CECR2: variants seen among roughly 807,000 people sequenced by gnomAD.
The protein encoded by CECR2 is CECR2 histone acetyl-lysine reader, also known as chromatin remodeling regulator CECR2.
CECR2 carries 30 observed loss-of-function variants against 154.5 expected under a neutral mutation model. The ratio of observed to expected loss-of-function variants is 0.19; its 90% confidence interval spans 0.15 to 0.26. The LOEUF is 0.26. CECR2 is among the 10% of genes least tolerant of loss of function. CECR2 has a pLI of 1.00. For missense variants in CECR2, 1,743 were observed against 1,829.3 expected, an observed-to-expected ratio of 0.95 and a Z score of 0.86; for synonymous variants, 725 against 683.7, an observed-to-expected ratio of 1.06 and a Z score of -0.94.
rs772455587 is a variant in CECR2, at chr22:17,462,784, G to T, written c.127-14804G>T. ...AAAAATCAGCTGGGTGTGGTGGCGA[G>T]CACCTGTAATCCCATCTACTCAGAA... On this transcript the variant is annotated intron_variant, in intron 1 of 18. Transcript: ENST00000262608. 3.0e-4 allele frequency among the ~76,000 whole-genome samples: 46 copies of T among 152,242 alleles called. 1 individual carries two copies. Among genetic ancestry groups the T allele is most frequent in the Middle Eastern group, 3.4e-3 (1 of 294 alleles).
chr22:17,541,802 C>T (rs1422209517), intron 14 of CECR2, 37 bp from the exon 15 acceptor site: 1 of 1,578,924 alleles, frequency 6.3e-7, no homozygotes, highest in South Asian at 1.2e-5. Flanking sequence ...CTGTGCCTTT[C>T]CTTTTTCCTC....
chr22:17,526,320 A>G (rs2056263897), intron 9 of CECR2, among the ~76,000 whole-genome samples: 1 of 152,160 alleles, frequency 6.6e-6, no homozygotes, highest in Non-Finnish European at 1.5e-5. Flanking sequence ...AGACAAATGG[A>G]ACAGAATAGA....
intron 1 of CECR2, among the ~76,000 whole-genome samples, chr22:17,430,063 C>T (rs908929334): frequency 3.9e-5 from 6 of 152,186 alleles, no homozygotes; most frequent in African/African-American, 1.4e-4. Context: ...TTATTTACCA[C>T]AGGGTTGATG....
intron 2 of CECR2, among the ~76,000 whole-genome samples, chr22:17,485,886 A>G (rs1185380524): frequency 1.3e-5 from 2 of 152,256 alleles, no homozygotes; most frequent in African/African-American, 2.4e-5. Context: ...CTCAGTGAGC[A>G]TAAGTGCTAT....
intron 1 of CECR2, chr22:17,418,826 C>T (rs896180865): frequency 2.7e-5 from 5 of 184,526 alleles, no homozygotes; most frequent in Non-Finnish European, 5.7e-5. Context: ...CCAGCCCGGC[C>T]GAGCTCATCC....
intron 1 of CECR2, among the ~76,000 whole-genome samples, chr22:17,445,614 T>A (rs2054649863): frequency 6.6e-6 from 1 of 150,774 alleles, no homozygotes; most frequent in African/African-American, 2.4e-5. Flanking sequence ...GCTCACCCTG[T>A]CGCCCAGGCT....
intron 1 of CECR2, among the ~76,000 whole-genome samples, chr22:17,409,057 A>T (rs2146560388): frequency 1.3e-5 from 2 of 152,344 alleles, no homozygotes; most frequent in East Asian, 3.9e-4. Context: ...CAATGAATGA[A>T]ACATGCCCTG....
chr22:17,397,081 A>G (rs906563701), intron 1 of CECR2, among the ~76,000 whole-genome samples: 8 of 151,950 alleles, frequency 5.3e-5, no homozygotes, highest in African/African-American at 1.9e-4. Flanking sequence ...TGCATGGGAC[A>G]TTCTCCACAG....
At chr22:17,505,534 C>CTTTTTTTTTTTTTTTTTTTTT (rs11387639) in intron 7 of CECR2, among the ~76,000 whole-genome samples, 1 of 98,838 alleles carries the variant, frequency 1.0e-5, no homozygotes, top group Non-Finnish European at 1.9e-5. Flanking sequence ...CCTCTTTTTC[C>CTTTTTTTTTTTTTTTTTTTTT]TTTTTTTTTT....
intron 16 of CECR2, among the ~76,000 whole-genome samples, chr22:17,546,201 T>C (rs1267037908): frequency 1.3e-5 from 2 of 152,172 alleles, no homozygotes; most frequent in Non-Finnish European, 2.9e-5. Context: ...ACAAGAATCC[T>C]GTTTAGGCCG....
intron 1 of CECR2, among the ~76,000 whole-genome samples, chr22:17,372,385 T>C (rs2063071324): frequency 2.0e-5 from 3 of 152,176 alleles, no homozygotes; most frequent in African/African-American, 7.2e-5. Flanking sequence ...GAATGTATTT[T>C]CTCGACTCGG....
intron 1 of CECR2, among the ~76,000 whole-genome samples, chr22:17,434,662 C>G (rs1431860482): frequency 6.6e-6 from 1 of 151,234 alleles, no homozygotes; most frequent in Non-Finnish European, 1.5e-5. Flanking sequence ...TGCTGCTCCC[C>G]GTAGCTAAGC....
At chr22:17,448,919 G>A (rs375522406) in intron 1 of CECR2, among the ~76,000 whole-genome samples, 21 of 151,028 alleles carry the variant, frequency 1.4e-4, no homozygotes, top group African/African-American at 4.9e-4. Flanking sequence ...TCGCTCTGTC[G>A]CCCAGGCTGA....
intron 1 of CECR2, among the ~76,000 whole-genome samples, chr22:17,448,812 C>T (rs1016923691): frequency 6.6e-6 from 1 of 152,116 alleles, no homozygotes; most frequent in East Asian, 1.9e-4. Flanking sequence ...AGATGCCGTC[C>T]TCCTAATACT....
At chr22:17,443,411 A>C (rs1480264541) in intron 1 of CECR2, among the ~76,000 whole-genome samples, 2 of 152,208 alleles carry the variant, frequency 1.3e-5, no homozygotes, top group African/African-American at 4.8e-5. Flanking sequence ...AAAGGAAAAA[A>C]GGGCAGAATC....
chr22:17,486,041 G>A (rs943443695), intron 2 of CECR2, among the ~76,000 whole-genome samples: 12 of 152,194 alleles, frequency 7.9e-5, no homozygotes, highest in East Asian at 3.9e-4. Flanking sequence ...GTGCTGTGGC[G>A]CAGTCATAGC....
At chr22:17,447,227 A>T (rs1230955240) in intron 1 of CECR2, among the ~76,000 whole-genome samples, 1 of 148,440 alleles carries the variant, frequency 6.7e-6, no homozygotes, top group East Asian at 2.0e-4. Context: ...AGTAGACGGG[A>T]CTGCAAGCTC....
chr22:17,404,443 G>A lies in CECR2; in HGVS notation c.126+34534G>A, dbSNP rs1319781209. 6.7e-3 allele frequency among the ~76,000 whole-genome samples: 700 copies of A among 104,534 alleles called. 30 individuals are homozygous for A. Among genetic ancestry groups the A allele is most frequent in the African/African-American group, 0.029 (669 of 22,748 alleles). 68.6% of individuals were successfully genotyped at this position (104,534 alleles called of 152,430 possible). ...GGCTGGAGTGCAGTGGCGGGATCTC[G>A]GCTCACTGCAAGCTCCGCCTCTCGG... On this transcript the variant is annotated intron_variant, in intron 1 of 18. Coordinates refer to ENST00000262608, the MANE Select transcript of CECR2 (RefSeq NM_001290047.2).
Position 17,429,551 on chromosome 22 carries a change from C to CAAAAA in CECR2, c.127-48036_127-48032dup, listed in dbSNP as rs142777624. Among the ~76,000 whole-genome samples, 44 of 138,072 alleles carry CAAAAA rather than the reference C, an allele frequency of 3.2e-4. 2 individuals carry two copies. Among genetic ancestry groups the CAAAAA allele is most frequent in the African/African-American group, 1.2e-3 (42 of 35,840 alleles). 90.6% of individuals were successfully genotyped at this position (138,072 alleles called of 152,430 possible). On this transcript the variant is annotated intron_variant, in intron 1 of 18. Transcript: ENST00000262608. ...ACCCCATCTCTACCAAAAACAAAAA[C>CAAAAA]AAAAACAAAGAAAAGAAAAGAAAAA... is the stretch of plus-strand genomic sequence containing the variant.
Sources: allele counts gnomAD v4.1 joint callset (sites outside exome capture counted in the v4.1 genomes callset), GRCh38; gene constraint gnomAD v4.1.1; transcripts MANE v1.5; gene names NCBI Gene and HGNC (gene_info 2026-07-23, HGNC 2026-07-21).